PIAS4: variants seen among roughly 807,000 people sequenced by gnomAD.
PIAS4 encodes the protein E3 SUMO-protein ligase PIAS4.
Under a neutral mutation model 58.0 loss-of-function variants are expected in PIAS4, and 7 were observed. The ratio of observed to expected loss-of-function variants is 0.12; its 90% confidence interval spans 0.07 to 0.23. PIAS4 has a LOEUF of 0.23. PIAS4 is among the 10% of genes least tolerant of loss of function. PIAS4 has a pLI of 1.00. For missense variants in PIAS4, 550 were observed against 709.5 expected (o/e 0.78, Z 2.55); for synonymous variants, 364 against 312.4 (o/e 1.17, Z -1.74).
intron 2 of PIAS4, among the ~76,000 whole-genome samples, chr19:4,015,600 C>T (rs536742746): frequency 6.6e-6 from 1 of 152,184 alleles, no homozygotes; most frequent in African/African-American, 2.4e-5. Context: ...TAGCCCCTGG[C>T]CCCGAAGCAG....
intron 3 of PIAS4, among the ~76,000 whole-genome samples, chr19:4,024,651 G>C (rs1450284612): frequency 6.6e-6 from 1 of 152,202 alleles, no homozygotes; most frequent in Admixed American, 6.5e-5. Flanking sequence ...GAATTGGAGG[G>C]GGAGAAAGTA....
At chr19:4,011,089 C>T (rs1042624898) in intron 1 of PIAS4, among the ~76,000 whole-genome samples, 1 of 152,244 alleles carries the variant, frequency 6.6e-6, no homozygotes, top group Non-Finnish European at 1.5e-5. Context: ...GAGCCGGAAA[C>T]CTCAGCGCCT....
At chr19:4,031,719 A>G (rs1423126350) in intron 7 of PIAS4, among the ~76,000 whole-genome samples, 2 of 152,076 alleles carry the variant, frequency 1.3e-5, no homozygotes, top group African/African-American at 4.8e-5. Flanking sequence ...GCTGCTTCCC[A>G]CAGCCGGCCC....
intron 2 of PIAS4, chr19:4,018,509 C>T (rs1284373535): frequency 6.6e-6 from 1 of 152,248 alleles, no homozygotes; most frequent in East Asian, 1.9e-4. Flanking sequence ...CTGAGCACCT[C>T]ACCCCAGAAC....
intron 1 of PIAS4, 69 bp from the exon 2 acceptor site, chr19:4,012,854 C>T (rs887979733): frequency 1.3e-6 from 2 of 1,499,752 alleles, no homozygotes; most frequent in South Asian, 2.6e-5. Context: ...ACATCGGGGC[C>T]TGGCCTCCAT....
At position 4,013,453 on chromosome 19, in the gene PIAS4, C is replaced by T. The variant is rs895333134; in HGVS notation, c.454+104C>T. On this transcript the variant is annotated intron_variant, in intron 2 of 10. Coordinates refer to ENST00000262971, the MANE Select transcript of PIAS4 (RefSeq NM_015897.4). The surrounding 1 kb of genome is among the most constrained non-coding windows in gnomAD (Gnocchi z 5.1). Reference sequence around the variant, plus strand: ...CGACTTCGAGTGATGTTCTCTGTGGCGCAGCCAGGGCGGGGAGCCACAGTG... The same window carrying T: ...CGACTTCGAGTGATGTTCTCTGTGGTGCAGCCAGGGCGGGGAGCCACAGTG... The T allele has an allele frequency of 6.3e-5, 68 of 1,078,962 alleles. No individual in the cohort carries two copies. Among genetic ancestry groups the T allele is most frequent in the South Asian group, 4.3e-4 (29 of 66,852 alleles). The allele number at this position is 1,078,962 out of a possible 1,614,324, so 66.8% of individuals were successfully genotyped here.
intron 9 of PIAS4, among the ~76,000 whole-genome samples, chr19:4,034,536 CT>C (rs2040256436): frequency 6.6e-6 from 1 of 152,242 alleles, no homozygotes; most frequent in Admixed American, 6.5e-5. Flanking sequence ...TGGGTCCCCT[CT>C]GTGGAGGGCT....
At position 4,013,905 on chromosome 19, in the gene PIAS4, A is replaced by G. The variant is rs2040025932; in HGVS notation, c.454+556A>G. Among the ~76,000 whole-genome samples, 1 of 151,996 alleles carries G rather than the reference A, an allele frequency of 6.6e-6. No homozygotes were observed. Among genetic ancestry groups the G allele is most frequent in the Admixed American group, 6.5e-5 (1 of 15,274 alleles). On this transcript the variant is annotated intron_variant, in intron 2 of 10. Transcript: ENST00000262971. This position sits in a 1 kb window ranked among gnomAD's most constrained non-coding sequence, Gnocchi z 5.1. ...AACCCAACCTCGGACACGCCTCGCC[A>G]TCTCCCCCACAGAGTCCGTTGCTCA...
chr19:4,013,297 G>A lies in PIAS4; in HGVS notation c.402G>A (p.Val134=). Residue 134 remains valine, a synonymous_variant, in exon 2 of 11, where the codon GTG becomes GTA. Coordinates refer to ENST00000262971, the MANE Select transcript of PIAS4 (RefSeq NM_015897.4). This position sits in a 1 kb window ranked among gnomAD's most constrained non-coding sequence, Gnocchi z 5.1. ...AKTLKPEVRL[V]KLPFFNMLDE... ...CCCTCAAGCCAGAAGTCCGCCTGGT[G>A]AAGCTGCCGTTCTTTAATATGCTGG... The A allele has an allele frequency of 6.2e-7, 1 of 1,613,204 alleles. No individual in the cohort carries two copies. Among genetic ancestry groups the A allele is most frequent in the Non-Finnish European group, 8.5e-7 (1 of 1,180,004 alleles).
intron 3 of PIAS4, 98 bp downstream of exon 3, chr19:4,024,218 C>A: frequency 1.2e-6 from 1 of 863,070 alleles, no homozygotes; most frequent in African/African-American, 1.7e-5. Context: ...CACTGCAGGC[C>A]TCGCTCGGGC....
At chr19:4,029,210 A>G (rs1436415579) in intron 7 of PIAS4, among the ~76,000 whole-genome samples, 174 bp downstream of exon 7, 3 of 152,196 alleles carry the variant, frequency 2.0e-5, no homozygotes, top group East Asian at 3.9e-4. Flanking sequence ...GAGGATACGG[A>G]TGGCAGAGGG....
intron 1 of PIAS4, among the ~76,000 whole-genome samples, chr19:4,009,313 CCT>C (rs1379878678): frequency 2.0e-5 from 3 of 152,154 alleles, no homozygotes; most frequent in African/African-American, 7.2e-5. Context: ...CACTTCTGCT[CCT>C]CTCTAGAGTT....
chr19:4,027,095 G>T (rs953507689), intron 3 of PIAS4, among the ~76,000 whole-genome samples: 1 of 151,154 alleles, frequency 6.6e-6, no homozygotes, highest in Non-Finnish European at 1.5e-5. Context: ...CTTGTTATCC[G>T]CCCGCCTCGG....
At chr19:4,014,892 AG>A (rs746747141) in intron 2 of PIAS4, among the ~76,000 whole-genome samples, 5 of 151,692 alleles carry the variant, frequency 3.3e-5, no homozygotes, top group Non-Finnish European at 7.4e-5. Flanking sequence ...GTTAGGCTGG[AG>A]GGGCTGTGCT....
chr19:4,033,294 G>C lies in PIAS4; in HGVS notation c.981+121G>C, dbSNP rs1342131607. 3 of 1,335,540 alleles carry C rather than the reference G, an allele frequency of 2.2e-6. No homozygotes were observed. The East Asian group carries it at 7.4e-5, about 33-fold the overall frequency. The allele number at this position is 1,335,540 out of a possible 1,614,324, so 82.7% of individuals were successfully genotyped here. ...GCCTGCGGGGGCGAGGCTGGTCTTC[G>C]TCCCCTCCGTGTTCCTGAGGCATGA... On this transcript the variant is annotated intron_variant, in intron 8 of 10. Coordinates refer to ENST00000262971, the MANE Select transcript of PIAS4 (RefSeq NM_015897.4).
chr19:4,015,132 A>C (rs1032604461), intron 2 of PIAS4, among the ~76,000 whole-genome samples: 1 of 152,076 alleles, frequency 6.6e-6, no homozygotes, highest in Admixed American at 6.5e-5. Context: ...CATCGGACTG[A>C]CTTTCCCAGC....
intron 9 of PIAS4, among the ~76,000 whole-genome samples, chr19:4,034,918 C>T (rs556842722): frequency 3.9e-5 from 6 of 152,308 alleles, no homozygotes; most frequent in Non-Finnish European, 5.9e-5. Context: ...AAAAGAGCCC[C>T]GTCCCAGACC....
chr19:4,036,718 A>G (rs997718039), intron 9 of PIAS4, among the ~76,000 whole-genome samples: 13 of 120,576 alleles, frequency 1.1e-4, no homozygotes, highest in Non-Finnish European at 2.4e-4. Context: ...ACACACACAC[A>G]TCTCTACAGT....
chr19:4,007,899 C>G, intron 1 of PIAS4, 112 bp downstream of exon 1: 1 of 804,596 alleles, frequency 1.2e-6, no homozygotes, highest in South Asian at 6.0e-5. Context: ...GGCCGGCCCG[C>G]GGCTCGCCGT....
Sources: allele counts gnomAD v4.1 joint callset (sites outside exome capture counted in the v4.1 genomes callset), GRCh38; gene constraint gnomAD v4.1.1; non-coding constraint Gnocchi (gnomAD v3.1); transcripts MANE v1.5; gene names NCBI Gene and HGNC (gene_info 2026-07-23, HGNC 2026-07-21).